NAV1: variants seen among roughly 807,000 people sequenced by gnomAD.
NAV1 encodes neuron navigator 1.
A neutral mutation model predicts 175.2 loss-of-function variants in NAV1; 18 were observed. That is an observed-to-expected ratio of 0.10 (90% CI 0.07 to 0.15). NAV1 has a LOEUF of 0.15. Among genes scored for constraint, NAV1 ranks in the 10% least tolerant of loss-of-function variants. The pLI, the probability that NAV1 is intolerant of heterozygous loss-of-function variation, is 1.00. For missense variants in NAV1, 1,731 were observed against 2,436.6 expected (o/e 0.71, Z 6.10); for synonymous variants, 897 against 978.7 (o/e 0.92, Z 1.56).
At chr1:201,804,070 G>A in intron 16 of NAV1, 1 of 485,694 alleles carries the variant, frequency 2.1e-6, no homozygotes, top group South Asian at 1.7e-5. Context: ...ACTATGGAGA[G>A]ATTTTATGAA....
At chr1:201,803,532 C>T in intron 15 of NAV1, 61 bp from the exon 20 acceptor site, 1 of 1,557,428 alleles carries the variant, frequency 6.4e-7, no homozygotes, top group Non-Finnish European at 8.7e-7. Flanking sequence ...CTAGACTTGC[C>T]TGAAGTCTCA....
At chr1:201,727,363 A>T (rs1387784481) in intron 3 of NAV1, among the ~76,000 whole-genome samples, 1 of 152,206 alleles carries the variant, frequency 6.6e-6, no homozygotes, top group Non-Finnish European at 1.5e-5. Context: ...AGAAAGATGG[A>T]TTTGTTTTGA....
At chr1:201,687,388 A>T (rs1318185887) in intron 1 of NAV1, among the ~76,000 whole-genome samples, 2 of 152,154 alleles carry the variant, frequency 1.3e-5, no homozygotes, top group African/African-American at 4.8e-5. Context: ...TAAGAGCTTA[A>T]AGCTGAGGCC....
At chr1:201,686,531 GTAGA>G (rs1228070688) in intron 1 of NAV1, among the ~76,000 whole-genome samples, 1 of 152,198 alleles carries the variant, frequency 6.6e-6, no homozygotes, top group Non-Finnish European at 1.5e-5. Context: ...AACTGCACTG[GTAGA>G]TACTTTGTCT....
chr1:201,609,854 A>C (rs1385663834), intron 2 of NAV1, among the ~76,000 whole-genome samples: 1 of 152,050 alleles, frequency 6.6e-6, no homozygotes, highest in Non-Finnish European at 1.5e-5. Context: ...ATATATATAG[A>C]GAGAGAGAGG....
chr1:201,552,590 T>A (rs1192341651), intron 1 of NAV1, among the ~76,000 whole-genome samples: 1 of 152,086 alleles, frequency 6.6e-6, no homozygotes, highest in Non-Finnish European at 1.5e-5. Context: ...TTCTCGTCTG[T>A]AAAATGGGGG....
At position 201,771,255 on chromosome 1, in the gene NAV1, AC is replaced by A. The variant is rs1209854096; in HGVS notation, c.1227-9165del. ...CTCCGTCTCAAAAAAAAAAAAAAAA[AC>A]ATCTGGTGATTTGGGAGGCTGAAGC... On this transcript the variant is annotated intron_variant, in intron 3 of 29. Transcript: ENST00000367296. Among the ~76,000 whole-genome samples, 449 of 151,048 alleles carry A rather than the reference AC, an allele frequency of 3.0e-3. 3 individuals are homozygous for A. The highest frequency in any genetic ancestry group is 5.2e-3 in the Non-Finnish European group (352 of 67,736).
At chr1:201,712,024 G>A (rs1425497938) in intron 1 of NAV1, among the ~76,000 whole-genome samples, 1 of 152,196 alleles carries the variant, frequency 6.6e-6, no homozygotes, top group African/African-American at 2.4e-5. Context: ...GGATTCTGAG[G>A]ATTGGGCCAC....
rs1410704214 is a variant in NAV1 at position 201,807,808 on chromosome 1, A to C, written c.3649-145A>C. 2.6e-6 allele frequency: 2 copies of C among 764,630 alleles called. No individual in the cohort carries two copies. Among genetic ancestry groups the C allele is most frequent in the African/African-American group, 3.5e-5 (2 of 57,394 alleles). 47.4% of individuals were successfully genotyped at this position (764,630 alleles called of 1,614,324 possible). A position where few individuals can be genotyped will look rare whatever the true frequency, so the allele number is the denominator to read the frequency against. ...CAACTCTTCTGTCCGTATTCTATGA[A>C]TCAAGTGAAGTGTTATAGAGGGTGG... On this transcript the variant is annotated intron_variant, in intron 17 of 29. Coordinates refer to ENST00000367296, the Ensembl canonical transcript of NAV1. The surrounding 1 kb of genome is among the most constrained non-coding windows in gnomAD (Gnocchi z 5.4).
intron 3 of NAV1, among the ~76,000 whole-genome samples, chr1:201,744,285 C>T (rs1314261559): frequency 1.3e-5 from 2 of 152,090 alleles, no homozygotes; most frequent in African/African-American, 4.8e-5. Flanking sequence ...AGACAAAACC[C>T]TAAGGAGCTG....
chr1:201,813,020 A>C lies in NAV1; in HGVS notation c.5222-120A>C. The C allele has an allele frequency of 8.2e-6, 6 of 730,222 alleles. No homozygotes were observed. Among genetic ancestry groups the C allele is most frequent in the Middle Eastern group, 4.0e-4 (1 of 2,502 alleles). The allele number at this position is 730,222 out of a possible 1,614,324, so 45.2% of individuals were successfully genotyped here. A position where few individuals can be genotyped will look rare whatever the true frequency, so the allele number is the denominator to read the frequency against. On this transcript the variant is annotated intron_variant, in intron 27 of 29. Coordinates refer to ENST00000367296, the Ensembl canonical transcript of NAV1. This position sits in a 1 kb window ranked among gnomAD's most constrained non-coding sequence, Gnocchi z 4.2. ...AGCACCCACTAGTCTTGACAACTCT[A>C]AATTTCCTTTAATCCTTTGACTGTC...
intron 3 of NAV1, among the ~76,000 whole-genome samples, chr1:201,759,175 C>T (rs1674688634): frequency 6.6e-6 from 1 of 152,164 alleles, no homozygotes; most frequent in South Asian, 2.1e-4. Flanking sequence ...CATCTGGCAG[C>T]TCCACTAGAA....
intron 1 of NAV1, among the ~76,000 whole-genome samples, chr1:201,579,133 CA>C (rs796850977): frequency 1.8e-3 from 248 of 141,158 alleles, no homozygotes; most frequent in Middle Eastern, 3.8e-3. Flanking sequence ...AACTCAGTCT[CA>C]AAAAAAAAAA....
intron 3 of NAV1, among the ~76,000 whole-genome samples, chr1:201,757,847 C>T (rs1203365412): frequency 6.6e-6 from 1 of 152,232 alleles, no homozygotes; most frequent in Non-Finnish European, 1.5e-5. Flanking sequence ...CTGTTGCTAC[C>T]TGGCCAGCCT....
intron 1 of NAV1, among the ~76,000 whole-genome samples, chr1:201,682,115 C>CA (rs34550001): frequency 0.54 from 44,672 of 83,280 alleles, 11,413 homozygotes; most frequent in South Asian, 0.73. Context: ...GACTCCATCT[C>CA]AAAAAAAAAA....
At chr1:201,712,654 G>C (rs1193760664) in intron 1 of NAV1, among the ~76,000 whole-genome samples, 163 bp from the exon 6 acceptor site, 1 of 152,202 alleles carries the variant, frequency 6.6e-6, no homozygotes, top group Non-Finnish European at 1.5e-5. Flanking sequence ...GCCTTTGAGA[G>C]GGCCCATTCT....
In NAV1 at chr1:201,807,903, C is replaced by T. The variant is rs767742607; in HGVS notation, c.3649-50C>T. 1.3e-6 allele frequency: 2 copies of T among 1,577,118 alleles called. No individual in the cohort carries two copies. Among genetic ancestry groups the T allele is most frequent in the South Asian group, 2.2e-5 (2 of 89,824 alleles). The stretch of plus-strand genomic sequence containing the variant: ...AAGTCTCAATCCAGTCCTCCCCCAT[C>T]CCAGTAGTGGAGTCCTAATGTCCCT... On this transcript the variant is annotated intron_variant, in intron 17 of 29. Transcript: ENST00000367296. The surrounding 1 kb of genome is among the most constrained non-coding windows in gnomAD (Gnocchi z 5.4).
intron 5 of NAV1, among the ~76,000 whole-genome samples, chr1:201,781,821 T>C (rs1481304103): frequency 6.6e-6 from 1 of 152,222 alleles, no homozygotes; most frequent in Non-Finnish European, 1.5e-5. Flanking sequence ...TACTAAGAGA[T>C]ATTGTCATAC....
chr1:201,706,176 C>T (rs1671657785), intron 1 of NAV1, among the ~76,000 whole-genome samples: 1 of 152,146 alleles, frequency 6.6e-6, no homozygotes, highest in Non-Finnish European at 1.5e-5. Flanking sequence ...CTCCCACTGA[C>T]CTGGGCTTCA....
Sources: allele counts gnomAD v4.1 joint callset (sites outside exome capture counted in the v4.1 genomes callset), GRCh38; gene constraint gnomAD v4.1.1; non-coding constraint Gnocchi (gnomAD v3.1); transcripts MANE v1.5; gene names NCBI Gene and HGNC (gene_info 2026-07-23, HGNC 2026-07-21).